PIGS: variants seen among roughly 807,000 people sequenced by gnomAD.
PIGS encodes the protein GPI-anchor transamidase component PIGS.
Under a neutral mutation model 58.2 loss-of-function variants are expected in PIGS, and 37 were observed. That is an observed-to-expected ratio of 0.64 (90% CI 0.49 to 0.84). The LOEUF (loss-of-function observed/expected upper bound fraction) is 0.84, where lower values mean the gene tolerates loss of function less well. Ranked by LOEUF, PIGS falls within the 40% of genes least tolerant of loss-of-function variation. The pLI, the probability that PIGS is intolerant of heterozygous loss-of-function variation, is 0.00. For synonymous variants in PIGS, 269 were observed against 289.2 expected (o/e 0.93, Z 0.71); for missense variants, 629 against 710.8 (o/e 0.88, Z 1.31).
intron 11 of PIGS, 150 bp from the exon 12 acceptor site, chr17:28,554,645 A>G (rs2070314522): frequency 8.0e-7 from 1 of 1,247,060 alleles, no homozygotes; most frequent in African/African-American, 1.5e-5. Context: ...GATATGGTTT[A>G]TTTTCCTAGG....
chr17:28,560,128 A>C lies in PIGS; in HGVS notation c.740T>G (p.Ile247Ser), dbSNP rs769483062. Reference protein sequence around the residue: ...DPKSHDVYWDIEGAVRRYVQP... With the variant: ...DPKSHDVYWDSEGAVRRYVQP... ...CACATAGCGCCGGACAGCCCCCTCAATGTCCCAGTAGACATCATGGGACTT... is the reference window on the plus strand; with the variant it reads ...CACATAGCGCCGGACAGCCCCCTCACTGTCCCAGTAGACATCATGGGACTT... The change falls in exon 7 of 12, where the codon ATT (isoleucine) becomes AGT (serine). Residue 247 changes from isoleucine to serine, a missense_variant. Coordinates refer to ENST00000308360, the MANE Select transcript of PIGS (RefSeq NM_033198.4). 2.5e-6 allele frequency: 4 copies of C among 1,613,516 alleles called. No individual in the cohort carries two copies. The highest frequency in any genetic ancestry group is 3.4e-6 in the Non-Finnish European group (4 of 1,179,722).
chr17:28,566,271 C>CTTTTTTTTTTT (rs57310687), intron 3 of PIGS, among the ~76,000 whole-genome samples: 3 of 97,784 alleles, frequency 3.1e-5, no homozygotes, highest in Non-Finnish European at 5.6e-5. Context: ...TTTTTCTTTT[C>CTTTTTTTTTTT]TTTTTTTTTT....
intron 3 of PIGS, among the ~76,000 whole-genome samples, chr17:28,566,226 CAAA>C (rs35456812): frequency 1.8e-5 from 1 of 55,622 alleles, no homozygotes; most frequent in Non-Finnish European, 3.5e-5. Flanking sequence ...GACCCTATCT[CAAA>C]AAAAAAAAAA....
chr17:28,563,686 C>T, intron 4 of PIGS, 132 bp downstream of exon 4: 1 of 1,231,062 alleles, frequency 8.1e-7, no homozygotes, highest in Non-Finnish European at 1.2e-6. Flanking sequence ...TGGGCTGAAT[C>T]CCACAGTTCC....
rs2070327207 is a variant in PIGS at position 28,556,254 on chromosome 17, C to T, written c.1093G>A (p.Asp365Asn). 2.5e-6 allele frequency: 4 copies of T among 1,609,802 alleles called. No homozygotes were observed. Among genetic ancestry groups the T allele is most frequent in the Non-Finnish European group, 3.4e-6 (4 of 1,176,068 alleles). ...RWGGIMVYNV[D>N]SKTYNASVLP... is the part of the protein sequence containing the mutation. ...ACTGAGGCATTATAGGTTTTGGAGT[C>T]AACATTATATACCTGAAAGGGGGAA... Residue 365 changes from aspartate (D) to asparagine (N), a missense_variant, in exon 10 of 12, where the codon GAC (aspartate) becomes AAC (asparagine). Physicochemically the swap from Asp to Asn is conservative, Grantham distance 23. Transcript: ENST00000308360.
At chr17:28,556,356 T>A in intron 9 of PIGS, 90 bp from the exon 10 acceptor site, 3 of 1,003,494 alleles carry the variant, frequency 3.0e-6, no homozygotes, top group South Asian at 2.6e-5. Flanking sequence ...GAAAACATAT[T>A]CTGTGCTCTT....
chr17:28,556,247 T>C lies in PIGS; in HGVS notation c.1100A>G (p.Lys367Arg). Residue 367 changes from lysine to arginine, a missense_variant, in exon 10 of 12, where the codon AAA becomes AGA. Coordinates refer to ENST00000308360, the MANE Select transcript of PIGS (RefSeq NM_033198.4). Reference protein sequence around the residue: ...GGIMVYNVDSKTYNASVLPVR... With the variant: ...GGIMVYNVDSRTYNASVLPVR... ...TGGCAGCACTGAGGCATTATAGGTT[T>C]TGGAGTCAACATTATATACCTGAAA... The C allele has an allele frequency of 6.2e-7, 1 of 1,612,514 alleles. No individual in the cohort carries two copies. Among genetic ancestry groups the C allele is most frequent in the Non-Finnish European group, 8.5e-7 (1 of 1,178,502 alleles).
intron 3 of PIGS, among the ~76,000 whole-genome samples, chr17:28,570,174 C>A (rs1270736870): frequency 6.6e-6 from 1 of 152,170 alleles, no homozygotes; most frequent in Non-Finnish European, 1.5e-5. Flanking sequence ...TTCCTAAATT[C>A]TTGGTACCTA....
Position 28,554,297 on chromosome 17 carries a change from C to T in PIGS, c.1591G>A (p.Val531Met). 1 of 1,614,164 alleles carries T rather than the reference C, an allele frequency of 6.2e-7. No individual in the cohort carries two copies. Among genetic ancestry groups the T allele is most frequent in the Non-Finnish European group, 8.5e-7 (1 of 1,180,022 alleles). ...IYIPLFLPMAVPILLSLVKIF... is the reference protein window; with the variant it reads ...IYIPLFLPMAMPILLSLVKIF... ...TTGACCAGGGACAGGAGGATGGGCACAGCCATAGGCAGGAAGAGTGGGATG... is the reference window on the plus strand; with the variant it reads ...TTGACCAGGGACAGGAGGATGGGCATAGCCATAGGCAGGAAGAGTGGGATG... The change falls in exon 12 of 12, where the codon GTG becomes ATG. Residue 531 changes from valine (V) to methionine (M), a missense_variant. Physicochemically the swap from Val to Met is conservative, Grantham distance 21 (BLOSUM62 1). Transcript: ENST00000308360.
At chr17:28,564,143 C>A (rs561634038) in intron 3 of PIGS, among the ~76,000 whole-genome samples, 79 of 152,328 alleles carry the variant, frequency 5.2e-4, no homozygotes, top group African/African-American at 1.9e-3. Flanking sequence ...GGTCCTTCAG[C>A]GTGAAACGTC....
At position 28,570,907 on chromosome 17, in the gene PIGS, G is replaced by T; in HGVS notation, c.231C>A (p.Asp77Glu). The change falls in exon 3 of 12, where the codon GAC becomes GAA. Residue 77 changes from aspartate to glutamate, a missense_variant. Coordinates refer to ENST00000308360, the MANE Select transcript of PIGS (RefSeq NM_033198.4). ...CGGTGAAGGGCAGCTTCTCCTGGTC[G>T]TCCAGGGGCACTGACTCCCGCGTAA... ...VVFTRESVPL[D>E]DQEKLPFTVV... 6.2e-7 allele frequency: 1 copy of T among 1,614,194 alleles called. No homozygotes were observed. The highest frequency in any genetic ancestry group is 8.5e-7 in the Non-Finnish European group (1 of 1,180,048).
intron 6 of PIGS, among the ~76,000 whole-genome samples, chr17:28,560,774 CA>C (rs199506264): frequency 2.0e-5 from 3 of 148,042 alleles, no homozygotes; most frequent in African/African-American, 5.0e-5. Flanking sequence ...GGCTCCGTCT[CA>C]AAAAAAAATA....
intron 8 of PIGS, 128 bp from the exon 9 acceptor site, chr17:28,557,100 T>G: frequency 1.2e-4 from 111 of 953,544 alleles, no homozygotes; most frequent in Non-Finnish European, 1.5e-4. Context: ...TAGGATATCC[T>G]CCTGTCCAGG....
At chr17:28,567,406 A>C (rs761894970) in intron 3 of PIGS, among the ~76,000 whole-genome samples, 2 of 152,242 alleles carry the variant, frequency 1.3e-5, no homozygotes, top group Non-Finnish European at 2.9e-5. Flanking sequence ...ATGTTCTATA[A>C]AACAAATGAC....
intron 3 of PIGS, among the ~76,000 whole-genome samples, chr17:28,565,361 C>T (rs1348545689): frequency 6.6e-6 from 1 of 152,044 alleles, no homozygotes; most frequent in African/African-American, 2.4e-5. Context: ...AATGGAATAG[C>T]ATACAAGGCC....
chr17:28,563,687 C>T, intron 4 of PIGS, 131 bp downstream of exon 4: 1 of 1,239,142 alleles, frequency 8.1e-7, no homozygotes, highest in Non-Finnish European at 1.2e-6. Flanking sequence ...GGGCTGAATC[C>T]CACAGTTCCT....
Position 28,558,588 on chromosome 17 carries a change from A to G in PIGS, c.822T>C (p.Ile274=), listed in dbSNP as rs529373138. The change falls in exon 8 of 12, where the codon ATT becomes ATC. Residue 274 remains isoleucine (I), a splice_region_variant and synonymous_variant. Transcript: ENST00000308360. ...AAGNFSVDSQ[I]LYYAMLGVNP... ...TCACCCCCAACATTGCATAGTAAAG[A>G]ATCTGTAGAGCAAACAGGGAGTGGT... 1.2e-6 allele frequency: 2 copies of G among 1,605,226 alleles called. No homozygotes were observed. The highest frequency in any genetic ancestry group is 3.4e-5 in the Admixed American group (2 of 59,152).
intron 3 of PIGS, among the ~76,000 whole-genome samples, chr17:28,566,533 T>C (rs1193465589): frequency 6.6e-6 from 1 of 151,552 alleles, no homozygotes; most frequent in Non-Finnish European, 1.5e-5. Flanking sequence ...TTAAGTGATT[T>C]ACCCGCCTCA....
chr17:28,559,507 T>C (rs1453825943), intron 7 of PIGS, among the ~76,000 whole-genome samples: 7 of 150,644 alleles, frequency 4.6e-5, no homozygotes, highest in Admixed American at 3.3e-4. Flanking sequence ...ATCAAGACCA[T>C]CCTGGCCAAT....
Sources: allele counts gnomAD v4.1 joint callset (sites outside exome capture counted in the v4.1 genomes callset), GRCh38; gene constraint gnomAD v4.1.1; transcripts MANE v1.5; gene names NCBI Gene and HGNC (gene_info 2026-07-23, HGNC 2026-07-21).